Variants in WFDC1 observed in about 807,000 individuals in gnomAD.
WFDC1 encodes WAP four-disulfide core domain protein 1.
Under a neutral mutation model 32.9 loss-of-function variants are expected in WFDC1, and 39 were observed. The ratio of observed to expected loss-of-function variants is 1.19; its 90% confidence interval spans 0.92 to 1.55. The LOEUF (loss-of-function observed/expected upper bound fraction) is 1.55, where lower values mean the gene tolerates loss of function less well. Among genes scored for constraint, WFDC1 ranks in the 40% most tolerant of loss-of-function variants. WFDC1 has a pLI of 0.00. For synonymous variants in WFDC1, 184 were observed against 137.4 expected, an observed-to-expected ratio of 1.34 and a Z score of -2.37; for missense variants, 386 against 309.5, an observed-to-expected ratio of 1.25 and a Z score of -1.85.
At chr16:84,295,140 G>A (rs1224438616) in intron 1 of WFDC1, 25 bp downstream of exon 1, 3 of 1,611,420 alleles carry the variant, frequency 1.9e-6, no homozygotes, top group East Asian at 2.2e-5. Flanking sequence ...TGGGGAGGCT[G>A]GGGCAGCCTG....
intron 1 of WFDC1, 61 bp downstream of exon 1, chr16:84,295,176 G>C: frequency 6.3e-7 from 1 of 1,588,776 alleles, no homozygotes; most frequent in Non-Finnish European, 8.6e-7. Flanking sequence ...GCCTTGAGGA[G>C]AGGCGATCCC....
chr16:84,314,909 T>C (rs185807226), intron 2 of WFDC1, among the ~76,000 whole-genome samples: 1 of 152,360 alleles, frequency 6.6e-6, no homozygotes, highest in Non-Finnish European at 1.5e-5. Flanking sequence ...CAACTGTACA[T>C]GGCATTCCCA....
chr16:84,296,680 A>C (rs981948512), intron 1 of WFDC1, among the ~76,000 whole-genome samples: 23 of 152,142 alleles, frequency 1.5e-4, no homozygotes, highest in African/African-American at 5.6e-4. Flanking sequence ...AAGTGGAAAG[A>C]GTAGTAGAGT....
chr16:84,302,785 C>T (rs902988914), intron 1 of WFDC1, among the ~76,000 whole-genome samples: 1 of 152,140 alleles, frequency 6.6e-6, no homozygotes, highest in Non-Finnish European at 1.5e-5. Flanking sequence ...CACGTGAAGT[C>T]AGGGCCAACG....
At chr16:84,298,613 A>C (rs1443482237) in intron 1 of WFDC1, among the ~76,000 whole-genome samples, 1 of 152,218 alleles carries the variant, frequency 6.6e-6, no homozygotes, top group African/African-American at 2.4e-5. Flanking sequence ...GGCCAGGGCT[A>C]CATGAGGAGA....
chr16:84,320,202 C>G (rs1018835957), intron 4 of WFDC1, among the ~76,000 whole-genome samples: 3 of 152,118 alleles, frequency 2.0e-5, no homozygotes, highest in Admixed American at 6.5e-5. Flanking sequence ...TGACTTTGCC[C>G]AACTCTAGGC....
chr16:84,296,663 C>G (rs991186374), intron 1 of WFDC1, among the ~76,000 whole-genome samples: 15 of 152,084 alleles, frequency 9.9e-5, no homozygotes, highest in Admixed American at 9.2e-4. Context: ...GACAGGAGGA[C>G]TTCGAGAAGT....
chr16:84,326,646 T>C, intron 5 of WFDC1: 1 of 511,200 alleles, frequency 2.0e-6, no homozygotes, highest in Non-Finnish European at 3.5e-6. Flanking sequence ...GAGTGTGTGG[T>C]GAGCTGTGGA....
chr16:84,317,516 G>C (rs1908032360), intron 2 of WFDC1: 1 of 152,052 alleles, frequency 6.6e-6, no homozygotes. Flanking sequence ...AGGCATTTGA[G>C]TTTTCGACCC....
intron 2 of WFDC1, chr16:84,318,071 C>G (rs954408257): frequency 3.1e-5 from 17 of 555,606 alleles, no homozygotes; most frequent in African/African-American, 2.6e-4. Context: ...AGGCTAGTCC[C>G]CAGCTTTGTG....
At chr16:84,303,481 A>T in intron 1 of WFDC1, among the ~76,000 whole-genome samples, 1 of 118,760 alleles carries the variant, frequency 8.4e-6, no homozygotes, top group African/African-American at 2.6e-5. Context: ...TTTACTGTAA[A>T]AAAAAAAAAA....
chr16:84,325,734 C>T (rs1323424619), intron 5 of WFDC1: 1 of 151,906 alleles, frequency 6.6e-6, no homozygotes, highest in African/African-American at 2.4e-5. Context: ...ATCTATCCAT[C>T]TATATATTCA....
intron 4 of WFDC1, among the ~76,000 whole-genome samples, chr16:84,322,511 C>T (rs1908367356): frequency 6.6e-6 from 1 of 152,176 alleles, no homozygotes; most frequent in Non-Finnish European, 1.5e-5. Context: ...CCCAGATTCA[C>T]CAGTTGTTAA....
At chr16:84,320,077 C>G (rs1896675419) in intron 4 of WFDC1, among the ~76,000 whole-genome samples, 1 of 152,214 alleles carries the variant, frequency 6.6e-6, no homozygotes, top group Admixed American at 6.5e-5. Context: ...AACATGCATT[C>G]TGTAGAAACT....
At chr16:84,312,329 G>C (rs1313412090) in intron 1 of WFDC1, among the ~76,000 whole-genome samples, 1 of 152,074 alleles carries the variant, frequency 6.6e-6, no homozygotes, top group East Asian at 1.9e-4. Flanking sequence ...GCCAGTCACT[G>C]CCCACCAGAT....
rs1255833414 is a variant in WFDC1 at position 84,297,644 on chromosome 16, A to ATAG, written c.144+2529_144+2530insTAG. On this transcript the variant is annotated intron_variant, in intron 1 of 6. Transcript: ENST00000219454. The stretch of plus-strand genomic sequence containing the variant: ...AAAAAAAAAAAAAAAAAAAAAAAAA[A>ATAG]AAACTGTGCCTCAGAGAAAGCCCTG... Among the ~76,000 whole-genome samples, 255 of 144,486 alleles carry ATAG rather than the reference A, an allele frequency of 1.8e-3. 5 individuals carry two copies. Among genetic ancestry groups the ATAG allele is most frequent in the South Asian group, 3.1e-3 (14 of 4,466 alleles). The allele number at this position is 144,486 out of a possible 152,430, so 94.8% of individuals were successfully genotyped here.
chr16:84,328,762 C>CAACATGGTGAAACCCTATA (rs200927885), intron 6 of WFDC1: 18,417 of 149,876 alleles, frequency 0.12, 1,362 homozygotes, highest in South Asian at 0.17. Context: ...CTGGCCTGGC[C>CAACATGGTGAAACCCTATA]AACATGGTGA....
At chr16:84,325,415 C>T (rs1415524156) in intron 5 of WFDC1, among the ~76,000 whole-genome samples, 1 of 152,106 alleles carries the variant, frequency 6.6e-6, no homozygotes, top group African/African-American at 2.4e-5. Context: ...GTTGGCCAGG[C>T]TGGTCTTAAA....
At chr16:84,301,186 G>A (rs537447622) in intron 1 of WFDC1, among the ~76,000 whole-genome samples, 65 of 152,282 alleles carry the variant, frequency 4.3e-4, no homozygotes, top group African/African-American at 1.5e-3. Flanking sequence ...AACCAACCCT[G>A]CCAGACACCT....
Sources: gnomAD v4.1 joint callset for allele counts (sites outside exome capture counted in the v4.1 genomes callset) on GRCh38, gnomAD v4.1.1 for gene constraint, MANE v1.5 for transcripts, NCBI Gene and HGNC (gene_info 2026-07-23, HGNC 2026-07-21) for gene names.